Variants in ANKRD6 observed in about 807,000 individuals in gnomAD.
The protein encoded by ANKRD6 is ankyrin repeat domain 6.
A neutral mutation model predicts 82.3 loss-of-function variants in ANKRD6; 56 were observed. That is an observed-to-expected ratio of 0.68 (90% CI 0.55 to 0.85). The LOEUF (loss-of-function observed/expected upper bound fraction) is 0.85, where lower values mean the gene tolerates loss of function less well. Ranked by LOEUF, ANKRD6 falls within the 40% of genes least tolerant of loss-of-function variation. ANKRD6 has a pLI of 0.00. For synonymous variants in ANKRD6, 347 were observed against 352.1 expected, an observed-to-expected ratio of 0.99 and a Z score of 0.16; for missense variants, 852 against 907.6, an observed-to-expected ratio of 0.94 and a Z score of 0.79.
chr6:89,519,371 T>A (rs569116634), intron 1 of ANKRD6, among the ~76,000 whole-genome samples: 2 of 152,292 alleles, frequency 1.3e-5, no homozygotes, highest in South Asian at 4.1e-4. Context: ...CCTGGTAGTA[T>A]AGATGGATGG....
chr6:89,616,321 CCTG>C, intron 7 of ANKRD6: 1 of 535,618 alleles, frequency 1.9e-6, no homozygotes, highest in Non-Finnish European at 3.3e-6. Flanking sequence ...TGCGTTTAAT[CCTG>C]CTGCGTGATT....
intron 1 of ANKRD6, among the ~76,000 whole-genome samples, chr6:89,460,029 A>T (rs1381125470): frequency 6.6e-6 from 1 of 151,812 alleles, no homozygotes; most frequent in Non-Finnish European, 1.5e-5. Context: ...ATTACTTTTT[A>T]TTCAAATCAT....
intron 1 of ANKRD6, among the ~76,000 whole-genome samples, chr6:89,519,419 G>C (rs1781626827): frequency 6.6e-6 from 1 of 152,180 alleles, no homozygotes; most frequent in African/African-American, 2.4e-5. Context: ...ACAATGCAGT[G>C]GTGGATTGAA....
intron 1 of ANKRD6, among the ~76,000 whole-genome samples, chr6:89,504,408 C>T (rs577346481): frequency 5.8e-5 from 8 of 137,512 alleles, no homozygotes; most frequent in African/African-American, 1.7e-4. Flanking sequence ...CTCTCGCTCG[C>T]GCTCTCGCTC....
intron 1 of ANKRD6, among the ~76,000 whole-genome samples, chr6:89,441,674 CCAGGCTGGAGTG>C (rs1771414606): frequency 8.5e-6 from 1 of 118,322 alleles, no homozygotes; most frequent in Admixed American, 1.1e-4. Context: ...CTCTTATTGC[CCAGGCTGGAGTG>C]CAATGGCATG....
At chr6:89,616,343 C>T (rs1241610374) in intron 7 of ANKRD6, 1 of 565,202 alleles carries the variant, frequency 1.8e-6, no homozygotes, top group Admixed American at 3.1e-5. Context: ...TTTCAGGTAT[C>T]CTCACTCAGA....
At chr6:89,609,770 C>T (rs1342664962) in intron 5 of ANKRD6, among the ~76,000 whole-genome samples, 1 of 152,076 alleles carries the variant, frequency 6.6e-6, no homozygotes, top group African/African-American at 2.4e-5. Flanking sequence ...CACCACCATG[C>T]CCAGCTAATT....
chr6:89,563,852 C>T (rs1459859608), intron 1 of ANKRD6, among the ~76,000 whole-genome samples: 1 of 152,150 alleles, frequency 6.6e-6, no homozygotes, highest in East Asian at 1.9e-4. Context: ...GGATTTGGGA[C>T]TTAGGAACAG....
chr6:89,555,149 C>T (rs1786418589), intron 1 of ANKRD6, among the ~76,000 whole-genome samples: 1 of 146,574 alleles, frequency 6.8e-6, no homozygotes, highest in Non-Finnish European at 1.5e-5. Flanking sequence ...CTTAGCCTCC[C>T]TTGACAAGTC....
At chr6:89,595,399 C>A (rs576222418) in intron 2 of ANKRD6, among the ~76,000 whole-genome samples, 1 of 151,564 alleles carries the variant, frequency 6.6e-6, no homozygotes, top group East Asian at 1.9e-4. Context: ...GCACTGCAGT[C>A]TGGGTGAGAG....
chr6:89,547,121 T>G (rs1785194507), intron 1 of ANKRD6, among the ~76,000 whole-genome samples: 1 of 152,092 alleles, frequency 6.6e-6, no homozygotes, highest in Non-Finnish European at 1.5e-5. Context: ...CCATTGTGCC[T>G]GGCCTTAAGA....
At chr6:89,550,455 A>G (rs571031194) in intron 1 of ANKRD6, among the ~76,000 whole-genome samples, 4 of 152,286 alleles carry the variant, frequency 2.6e-5, no homozygotes, top group East Asian at 1.9e-4. Flanking sequence ...AGTTCCGTCC[A>G]TATAAAGTTC....
At chr6:89,540,608 TG>T (rs1410578725) in intron 1 of ANKRD6, among the ~76,000 whole-genome samples, 1 of 152,228 alleles carries the variant, frequency 6.6e-6, no homozygotes, top group Non-Finnish European at 1.5e-5. Context: ...TTTCCTTTGC[TG>T]TGCAGAAGCT....
chr6:89,452,830 G>A (rs1460496116), intron 1 of ANKRD6, among the ~76,000 whole-genome samples: 5 of 152,134 alleles, frequency 3.3e-5, no homozygotes, highest in East Asian at 1.9e-4. Flanking sequence ...TAAACCTGGC[G>A]GCCAGGAAGG....
intron 1 of ANKRD6, among the ~76,000 whole-genome samples, chr6:89,503,414 C>G (rs1323944644): frequency 6.6e-6 from 1 of 152,124 alleles, no homozygotes; most frequent in African/African-American, 2.4e-5. Flanking sequence ...TCTCATAAAG[C>G]CCCTGGGCTG....
At chr6:89,452,258 C>T (rs574685032) in intron 1 of ANKRD6, among the ~76,000 whole-genome samples, 1 of 152,148 alleles carries the variant, frequency 6.6e-6, no homozygotes, top group Non-Finnish European at 1.5e-5. Context: ...ATCCCAGTTA[C>T]GTAAAGTTGT....
chr6:89,496,470 C>G (rs1385076815), intron 1 of ANKRD6, among the ~76,000 whole-genome samples: 2 of 152,150 alleles, frequency 1.3e-5, no homozygotes, highest in Non-Finnish European at 2.9e-5. Flanking sequence ...TCTGTCTTTT[C>G]TCCCTTTGCC....
intron 1 of ANKRD6, among the ~76,000 whole-genome samples, chr6:89,476,175 T>G (rs1200150296): frequency 6.6e-6 from 1 of 151,318 alleles, no homozygotes; most frequent in Non-Finnish European, 1.5e-5. Context: ...GTGTTTTTGT[T>G]TTTTTGTTTT....
intron 2 of ANKRD6, among the ~76,000 whole-genome samples, chr6:89,591,248 C>T (rs1345449804): frequency 6.6e-6 from 1 of 152,076 alleles, no homozygotes; most frequent in Admixed American, 6.6e-5. Context: ...GGACTACAGG[C>T]GCACAAAACA....
Sources: gnomAD v4.1 joint callset for allele counts (sites outside exome capture counted in the v4.1 genomes callset) on GRCh38, gnomAD v4.1.1 for gene constraint, MANE v1.5 for transcripts, NCBI Gene and HGNC (gene_info 2026-07-23, HGNC 2026-07-21) for gene names.